The following JAK1 variants were observed in gnomAD, a reference collection of about 807,000 sequenced individuals.
JAK1 encodes the protein Janus kinase 1, also known as tyrosine-protein kinase JAK1.
JAK1 carries 16 observed loss-of-function variants against 136.6 expected under a neutral mutation model. That is an observed-to-expected ratio of 0.12 (90% CI 0.08 to 0.18). The LOEUF (loss-of-function observed/expected upper bound fraction) is 0.18, where lower values mean the gene tolerates loss of function less well. Ranked by LOEUF, JAK1 falls within the 10% of genes least tolerant of loss-of-function variation. The probability of loss-of-function intolerance (pLI) is 1.00; values close to 1 mark genes in which losing one functional copy is unlikely to be tolerated. For missense variants in JAK1, 859 were observed against 1,450.1 expected (o/e 0.59, Z 6.62); for synonymous variants, 492 against 519.5 (o/e 0.95, Z 0.72).
chr1:64,878,963 G>A, intron 4 of JAK1, 62 bp downstream of exon 4: 1 of 1,555,466 alleles, frequency 6.4e-7, no homozygotes, highest in Non-Finnish European at 8.8e-7. Flanking sequence ...AGGGCTCCAG[G>A]CTGACCACTG....
At chr1:64,985,460 C>T in intron 2 of JAK1, 1 of 1,605,536 alleles carries the variant, frequency 6.2e-7, no homozygotes, top group Non-Finnish European at 8.5e-7. Flanking sequence ...TGTTAATGAG[C>T]AAGAATCTGG....
chr1:65,040,939 G>C (rs541812716), intron 2 of JAK1, among the ~76,000 whole-genome samples: 1 of 152,260 alleles, frequency 6.6e-6, no homozygotes, highest in African/African-American at 2.4e-5. Flanking sequence ...TATAGGACTT[G>C]GGGTCTGGGG....
chr1:64,985,447 T>C (rs1646589575), intron 2 of JAK1: 1 of 1,607,362 alleles, frequency 6.2e-7, no homozygotes, highest in South Asian at 1.1e-5. Context: ...TCCTCTTCTT[T>C]TCTGTTAATG....
At chr1:64,847,802 C>T in intron 12 of JAK1, 127 bp from the exon 13 acceptor site, 3 of 1,056,270 alleles carry the variant, frequency 2.8e-6, no homozygotes, top group Non-Finnish European at 4.1e-6. Context: ...GGCTCCCTGC[C>T]CCAGCTCGTG....
At position 64,845,702 on chromosome 1, in the gene JAK1, C is replaced by T. The variant is rs546652043; in HGVS notation, c.1988-62G>A. 1.9e-5 allele frequency: 31 copies of T among 1,602,368 alleles called. No individual in the cohort carries two copies. The East Asian group carries it at 4.7e-4, about 24-fold the overall frequency. ...CTGTGGCACGGTCCTCTCCTTCATC[C>T]CCTTACGACAGTCCACTTCAGTGGA... On this transcript the variant is annotated intron_variant, in intron 14 of 24. Coordinates refer to ENST00000342505, the MANE Select transcript of JAK1 (RefSeq NM_002227.4).
intron 2 of JAK1, chr1:64,995,060 C>CATT (rs1646692786): frequency 6.6e-6 from 1 of 151,360 alleles, no homozygotes; most frequent in East Asian, 1.9e-4. Context: ...TTATTTTAGG[C>CATT]TGTTGATAAA....
intron 1 of JAK1, among the ~76,000 whole-genome samples, chr1:64,917,243 C>A (rs1645414082): frequency 6.6e-6 from 1 of 152,092 alleles, no homozygotes; most frequent in Admixed American, 6.6e-5. Flanking sequence ...CCAATGCCTG[C>A]AAAATTCTGA....
intron 1 of JAK1, among the ~76,000 whole-genome samples, chr1:64,938,477 A>G (rs1360171695): frequency 1.3e-5 from 2 of 152,182 alleles, no homozygotes; most frequent in Non-Finnish European, 2.9e-5. Flanking sequence ...CTAAGTGAAG[A>G]CCTGAACCAA....
At chr1:65,002,408 C>T (rs987494440) in intron 2 of JAK1, 1 of 152,240 alleles carries the variant, frequency 6.6e-6, no homozygotes, top group Non-Finnish European at 1.5e-5. Context: ...TCGAGACAAA[C>T]CTGGATTTGA....
chr1:64,877,429 C>G (rs1644690736), intron 4 of JAK1, among the ~76,000 whole-genome samples: 2 of 152,054 alleles, frequency 1.3e-5, no homozygotes, highest in Non-Finnish European at 2.9e-5. Flanking sequence ...TGAAGCAACC[C>G]TGCACTTCCA....
At chr1:64,996,929 T>A (rs1181630472) in intron 2 of JAK1, among the ~76,000 whole-genome samples, 2 of 152,236 alleles carry the variant, frequency 1.3e-5, no homozygotes, top group East Asian at 3.8e-4. Context: ...AACTTGCCCA[T>A]CTGTACCTTG....
Position 64,984,719 on chromosome 1 carries a change from C to T in JAK1, c.-78+59761G>A, listed in dbSNP as rs533276150. 95 of 785,314 alleles carry T rather than the reference C, an allele frequency of 1.2e-4. No individual in the cohort carries two copies. In the African/African-American group the frequency reaches 1.5e-3, roughly 12 times the overall value. 48.6% of individuals were successfully genotyped at this position (785,314 alleles called of 1,614,324 possible). ...GCCCCTCAAAGGCCTATGTGATATCCTTGAAAGTCCTGTAACACATCTCAG... is the reference window on the plus strand; with the variant it reads ...GCCCCTCAAAGGCCTATGTGATATCTTTGAAAGTCCTGTAACACATCTCAG... On this transcript the variant is annotated intron_variant, in intron 2 of 25. Transcript: ENST00000671954. The surrounding 1 kb of genome is among the most constrained non-coding windows in gnomAD (Gnocchi z 4.1).
intron 2 of JAK1, chr1:65,023,103 A>AC (rs1475419485): frequency 2.0e-5 from 3 of 151,836 alleles, no homozygotes; most frequent in Non-Finnish European, 4.4e-5. Flanking sequence ...CGGTTCAATG[A>AC]CTTTTTTTTA....
Position 64,841,228 on chromosome 1 carries a change from GC to G in JAK1, c.2649+16del, listed in dbSNP as rs771968929. ...AGGGCTCTGCCATCAGCAGCAAGCA[GC>G]ACGGGTGTAACTTACCTCTCCCAAG... is the stretch of plus-strand genomic sequence containing the variant. On this transcript the variant is annotated intron_variant, in intron 19 of 24. Coordinates refer to ENST00000342505, the MANE Select transcript of JAK1 (RefSeq NM_002227.4). 6 of 1,578,826 alleles carry G rather than the reference GC, an allele frequency of 3.8e-6. No individual in the cohort carries two copies. In the East Asian group the frequency reaches 8.9e-5, roughly 24 times the overall value.
At chr1:65,032,818 T>C (rs1647035717) in intron 2 of JAK1, among the ~76,000 whole-genome samples, 1 of 152,232 alleles carries the variant, frequency 6.6e-6, no homozygotes, top group Non-Finnish European at 1.5e-5. Flanking sequence ...GGGGCACCTA[T>C]TAGGTGCTAT....
intron 1 of JAK1, among the ~76,000 whole-genome samples, chr1:64,899,398 T>C (rs1236892986): frequency 6.6e-6 from 1 of 152,218 alleles, no homozygotes; most frequent in East Asian, 1.9e-4. Flanking sequence ...CTGTCACCTA[T>C]AAACTATGGG....
At chr1:64,886,694 A>C (rs1317519840) in intron 1 of JAK1, among the ~76,000 whole-genome samples, 1 of 151,816 alleles carries the variant, frequency 6.6e-6, no homozygotes, top group Non-Finnish European at 1.5e-5. Flanking sequence ...TAAGACACCC[A>C]AAAACGCGCA....
At chr1:64,902,757 G>C (rs911090546) in intron 1 of JAK1, among the ~76,000 whole-genome samples, 1 of 152,040 alleles carries the variant, frequency 6.6e-6, no homozygotes, top group Non-Finnish European at 1.5e-5. Context: ...ACCCCAATAC[G>C]CAGTGGTGGA....
intron 1 of JAK1, among the ~76,000 whole-genome samples, chr1:65,059,422 A>C (rs1157442182): frequency 6.6e-6 from 1 of 152,238 alleles, no homozygotes; most frequent in African/African-American, 2.4e-5. Flanking sequence ...ATTAGCAAAA[A>C]TGACTTTCAT....
Sources: allele counts gnomAD v4.1 joint callset (sites outside exome capture counted in the v4.1 genomes callset), GRCh38; gene constraint gnomAD v4.1.1; non-coding constraint Gnocchi (gnomAD v3.1); transcripts MANE v1.5; gene names NCBI Gene and HGNC (gene_info 2026-07-23, HGNC 2026-07-21).